Variants in CA10 observed in about 807,000 individuals in gnomAD.
The protein encoded by CA10 is carbonic anhydrase-related protein 10.
In CA10, 14 loss-of-function variants were observed where a neutral mutation model predicts 44.2. The ratio of observed to expected loss-of-function variants is 0.32; its 90% CI spans 0.21 to 0.50. The LOEUF (loss-of-function observed/expected upper bound fraction) is 0.50. Among genes scored for constraint, CA10 ranks in the 20% least tolerant of loss-of-function variants. CA10 has a pLI of 0.99. For missense variants in CA10, 350 were observed against 409.7 expected, an observed-to-expected ratio of 0.85 and a Z score of 1.26; for synonymous variants, 159 against 141.6, an observed-to-expected ratio of 1.12 and a Z score of -0.87.
intron 3 of CA10, among the ~76,000 whole-genome samples, chr17:51,830,667 G>T (rs894350532): frequency 3.3e-5 from 5 of 152,172 alleles, no homozygotes; most frequent in Admixed American, 6.5e-5. Flanking sequence ...CAGCAAAGAG[G>T]CCAACATGCA....
Position 52,042,394 on chromosome 17 carries a change from T to A in CA10, c.136+29925A>T, listed in dbSNP as rs183675046. ...CTGCTGGTCAATTGTATGCCTTTTTTAAAAAAAACATTTATCTAGATCATT... is the reference window on the plus strand; with the variant it reads ...CTGCTGGTCAATTGTATGCCTTTTTAAAAAAAAACATTTATCTAGATCATT... On this transcript the variant is annotated intron_variant, in intron 2 of 8. Coordinates refer to ENST00000451037, the MANE Select transcript of CA10 (RefSeq NM_020178.5). 1.2e-3 allele frequency among the ~76,000 whole-genome samples: 185 copies of A among 151,928 alleles called. 4 individuals carry two copies. The highest frequency in any genetic ancestry group is 0.012 in the Admixed American group (180 of 15,246).
chr17:51,659,375 G>T (rs1410968205), intron 4 of CA10, among the ~76,000 whole-genome samples: 1 of 152,086 alleles, frequency 6.6e-6, no homozygotes, highest in Non-Finnish European at 1.5e-5. Context: ...GCACCTCCTG[G>T]TTCTCCAGCT....
intron 3 of CA10, among the ~76,000 whole-genome samples, chr17:51,874,527 T>C (rs73989430): frequency 0.058 from 8,780 of 152,198 alleles, 298 homozygotes; most frequent in African/African-American, 0.096. Flanking sequence ...GCAGAGTTGA[T>C]TAGAATAGCC....
chr17:51,805,418 G>A (rs1004878222), intron 3 of CA10, among the ~76,000 whole-genome samples: 4 of 152,168 alleles, frequency 2.6e-5, no homozygotes, highest in African/African-American at 4.8e-5. Context: ...ACAGTGCTGT[G>A]AAGGCAATAA....
rs775659540 is a variant in CA10 at position 52,033,410 on chromosome 17, C to T, written c.136+38909G>A. Among the ~76,000 whole-genome samples, 11 of 152,128 alleles carry T rather than the reference C, an allele frequency of 7.2e-5. No individual in the cohort carries two copies. The South Asian group carries it at 8.3e-4, about 11-fold the overall frequency. On this transcript the variant is annotated intron_variant, in intron 2 of 8. Coordinates refer to ENST00000451037, the MANE Select transcript of CA10 (RefSeq NM_020178.5). The stretch of plus-strand genomic sequence containing the variant: ...TTGAAGATGCATATGCCCTATAATC[C>T]GGAAGTCAAATTCCTGATATAAACC...
intron 3 of CA10, among the ~76,000 whole-genome samples, chr17:51,811,735 G>A (rs1039249051): frequency 3.9e-5 from 6 of 152,078 alleles, no homozygotes; most frequent in African/African-American, 7.2e-5. Flanking sequence ...GAATAGTGCC[G>A]CAATAAACAT....
At chr17:52,135,291 C>T (rs993451364) in intron 1 of CA10, among the ~76,000 whole-genome samples, 1 of 152,168 alleles carries the variant, frequency 6.6e-6, no homozygotes, top group African/African-American at 2.4e-5. Flanking sequence ...GATGCTGCCC[C>T]TCCTTTTTTT....
intron 2 of CA10, among the ~76,000 whole-genome samples, chr17:52,052,302 A>C (rs145869017): frequency 5.3e-5 from 4 of 74,938 alleles, no homozygotes; most frequent in Non-Finnish European, 1.1e-4. Context: ...TTTTTTTTAA[A>C]AAAAAAAAAA....
At chr17:51,808,533 C>G (rs188536335) in intron 3 of CA10, among the ~76,000 whole-genome samples, 51 of 152,284 alleles carry the variant, frequency 3.3e-4, no homozygotes, top group African/African-American at 1.2e-3. Flanking sequence ...TAGGGCAAGA[C>G]TCCTTGTCCC....
At chr17:51,708,586 T>C (rs979636806) in intron 4 of CA10, among the ~76,000 whole-genome samples, 2 of 152,192 alleles carry the variant, frequency 1.3e-5, no homozygotes, top group Admixed American at 6.5e-5. Context: ...CTTGATTGCA[T>C]GGAAGGATGC....
chr17:51,830,183 A>C (rs549163065), intron 3 of CA10, among the ~76,000 whole-genome samples: 10 of 147,600 alleles, frequency 6.8e-5, no homozygotes, highest in African/African-American at 2.0e-4. Flanking sequence ...GCAACAGAGC[A>C]AGACTCCATC....
rs189975568 is a variant in CA10 at position 51,815,813 on chromosome 17, A to G, written c.280-67995T>C. ...TGTGTGTGTGTGTGTATAAAAATAT[A>G]TAAATATAATGGGATACACGAGATG... On this transcript the variant is annotated intron_variant, in intron 3 of 8. Transcript: ENST00000451037. Among the ~76,000 whole-genome samples, 3 of 152,196 alleles carry G rather than the reference A, an allele frequency of 2.0e-5. 1 individual carries two copies. Among genetic ancestry groups the G allele is most frequent in the Admixed American group, 2.0e-4 (3 of 15,290 alleles).
chr17:51,847,712 A>G (rs1270454043), intron 3 of CA10, among the ~76,000 whole-genome samples: 1 of 152,156 alleles, frequency 6.6e-6, no homozygotes, highest in Non-Finnish European at 1.5e-5. Flanking sequence ...GGGTAAATGC[A>G]TTAGGCTTCA....
At chr17:52,148,286 C>T (rs1007728524) in intron 1 of CA10, among the ~76,000 whole-genome samples, 1 of 152,178 alleles carries the variant, frequency 6.6e-6, no homozygotes, top group African/African-American at 2.4e-5. Flanking sequence ...AAATAGCGTA[C>T]ATGTTCCAAA....
chr17:52,086,131 T>G (rs982084259), intron 1 of CA10, among the ~76,000 whole-genome samples: 8 of 152,214 alleles, frequency 5.3e-5, no homozygotes, highest in African/African-American at 1.4e-4. Context: ...TGGTTTACAG[T>G]GCAATGAGAA....
intron 3 of CA10, among the ~76,000 whole-genome samples, chr17:51,787,290 A>T (rs887348901): frequency 6.6e-6 from 1 of 152,148 alleles, no homozygotes; most frequent in Non-Finnish European, 1.5e-5. Context: ...GGAGACTTTC[A>T]ACTATGGCTT....
intron 1 of CA10, among the ~76,000 whole-genome samples, chr17:52,134,471 C>T (rs903158114): frequency 4.6e-5 from 7 of 152,072 alleles, no homozygotes; most frequent in Non-Finnish European, 1.0e-4. Context: ...CTGTTCACCT[C>T]TATAGGCATG....
At position 52,089,860 on chromosome 17, in the gene CA10, G is replaced by A. The variant is rs1988214001; in HGVS notation, c.62-17467C>T. Among the ~76,000 whole-genome samples the A allele has an allele frequency of 2.0e-5, 3 of 152,008 alleles. No individual in the cohort carries two copies. In the South Asian group the frequency reaches 6.2e-4, roughly 32 times the overall value. ...AATTGGTTCTCTATCTTGAGAAGAA[G>A]GGAGAGATGGGGAATACAATTTGGA... On this transcript the variant is annotated intron_variant, in intron 1 of 8. Coordinates refer to ENST00000451037, the MANE Select transcript of CA10 (RefSeq NM_020178.5).
chr17:51,997,346 G>C (rs574001559), intron 2 of CA10, among the ~76,000 whole-genome samples: 57 of 152,182 alleles, frequency 3.7e-4, no homozygotes, highest in Non-Finnish European at 7.2e-4. Flanking sequence ...TCCTGGCACA[G>C]AGTAAGTCTC....
Sources: allele counts gnomAD v4.1 joint callset (sites outside exome capture counted in the v4.1 genomes callset), GRCh38; gene constraint gnomAD v4.1.1; transcripts MANE v1.5; gene names NCBI Gene and HGNC (gene_info 2026-07-23, HGNC 2026-07-21).